The following RIN2 variants were observed in gnomAD, a reference collection of about 807,000 sequenced individuals.
The protein encoded by RIN2 is Ras and Rab interactor 2.
RIN2 carries 36 observed loss-of-function variants against 78.0 expected under a neutral mutation model. The ratio of observed to expected loss-of-function variants is 0.46; its 90% CI spans 0.35 to 0.61. The LOEUF is 0.61. Among genes scored for constraint, RIN2 ranks in the 20% least tolerant of loss-of-function variants. RIN2 has a pLI of 0.00. For missense variants in RIN2, 1,087 were observed against 1,159.7 expected, an observed-to-expected ratio of 0.94 and a Z score of 0.91; for synonymous variants, 466 against 466.8, an observed-to-expected ratio of 1.00 and a Z score of 0.02.
At chr20:19,877,067 T>C (rs936925703) in intron 2 of RIN2, among the ~76,000 whole-genome samples, 2 of 152,176 alleles carry the variant, frequency 1.3e-5, no homozygotes, top group African/African-American at 4.8e-5. Context: ...GCAAAAGCAC[T>C]TACAGCCTTC....
At chr20:19,850,946 C>G (rs1307133275) in intron 2 of RIN2, among the ~76,000 whole-genome samples, 1 of 149,910 alleles carries the variant, frequency 6.7e-6, no homozygotes, top group African/African-American at 2.5e-5. Flanking sequence ...TGCACTCCAG[C>G]CTGGGCAACA....
intron 2 of RIN2, among the ~76,000 whole-genome samples, chr20:19,868,653 G>T (rs947014767): frequency 1.3e-5 from 2 of 152,168 alleles, no homozygotes; most frequent in Non-Finnish European, 2.9e-5. Flanking sequence ...TAAACAGACA[G>T]CTATAATCAT....
rs535994979 is a variant in RIN2, at chr20:19,810,683, CTTTT to C, written c.-37+10959_-37+10962del. 3.3e-3 allele frequency among the ~76,000 whole-genome samples: 325 copies of C among 99,544 alleles called. 1 individual carries two copies. The highest frequency in any genetic ancestry group is 0.013 in the African/African-American group (303 of 24,198). The allele number at this position is 99,544 out of a possible 152,430, so 65.3% of individuals were successfully genotyped here. ...TTGATCATGTTAAGATTATAAGGTACTTTTTTTTTTTTTTTTTTTTTTTTTTGAG... is the reference window on the plus strand; with the variant it reads ...TTGATCATGTTAAGATTATAAGGTACTTTTTTTTTTTTTTTTTTTTTTGAG... On this transcript the variant is annotated intron_variant, in intron 2 of 12. Transcript: ENST00000255006.
At chr20:19,810,108 G>T (rs923921915) in intron 2 of RIN2, among the ~76,000 whole-genome samples, 3 of 152,116 alleles carry the variant, frequency 2.0e-5, no homozygotes, top group African/African-American at 7.2e-5. Flanking sequence ...GCCCAGAAGT[G>T]CCAAGAGGGG....
At chr20:19,922,127 A>G (rs1877517331) in intron 3 of RIN2, among the ~76,000 whole-genome samples, 1 of 152,124 alleles carries the variant, frequency 6.6e-6, no homozygotes, top group South Asian at 2.1e-4. Flanking sequence ...CGGCCTCCCA[A>G]ACTGCTAGGA....
At chr20:19,909,368 C>G (rs2039361815) in intron 3 of RIN2, among the ~76,000 whole-genome samples, 1 of 152,198 alleles carries the variant, frequency 6.6e-6, no homozygotes. Context: ...GAGTTTTGAT[C>G]CGCCACCACT....
intron 2 of RIN2, among the ~76,000 whole-genome samples, chr20:19,834,114 A>G (rs2036333725): frequency 6.6e-6 from 1 of 152,172 alleles, no homozygotes; most frequent in South Asian, 2.1e-4. Flanking sequence ...GTTATGGATC[A>G]TTTAGTGACT....
intron 3 of RIN2, among the ~76,000 whole-genome samples, chr20:19,930,314 G>A (rs1332701384): frequency 2.0e-5 from 3 of 152,182 alleles, no homozygotes; most frequent in East Asian, 1.9e-4. Context: ...TGGGAGTGCC[G>A]CTAAGTGACA....
At position 19,971,295 on chromosome 20, in the gene RIN2, C is replaced by A. The variant is rs535732510; in HGVS notation, c.628+366C>A. ...CTGTTCCACTTCCTCTCTTGTCGTT[C>A]AATTGTTGTCCTGCTGTTCTGGTCC... On this transcript the variant is annotated intron_variant, in intron 8 of 12. Coordinates refer to ENST00000255006, the MANE Select transcript of RIN2 (RefSeq NM_018993.4). Among the ~76,000 whole-genome samples, 3 of 152,002 alleles carry A rather than the reference C, an allele frequency of 2.0e-5. No individual in the cohort carries two copies. The Middle Eastern group carries it at 0.01, about 517-fold the overall frequency.
chr20:19,867,640 G>A (rs138230713), intron 2 of RIN2, among the ~76,000 whole-genome samples: 46 of 152,306 alleles, frequency 3.0e-4, no homozygotes, highest in Non-Finnish European at 4.1e-4. Context: ...TTTTGCACCC[G>A]TGGCAGGAAT....
At chr20:19,837,102 C>A (rs900163521) in intron 2 of RIN2, among the ~76,000 whole-genome samples, 2 of 151,514 alleles carry the variant, frequency 1.3e-5, no homozygotes, top group East Asian at 3.9e-4. Flanking sequence ...CCCCATTTTG[C>A]AGATATGTGT....
intron 2 of RIN2, chr20:19,872,427 G>T (rs918203360): frequency 6.6e-6 from 1 of 152,176 alleles, no homozygotes; most frequent in African/African-American, 2.4e-5. Flanking sequence ...AGGTGGGAGT[G>T]GGGATAAAAT....
At chr20:19,929,248 A>G (rs999799619) in intron 3 of RIN2, among the ~76,000 whole-genome samples, 3 of 152,222 alleles carry the variant, frequency 2.0e-5, no homozygotes, top group Non-Finnish European at 2.9e-5. Context: ...AATTCTGCAC[A>G]GGTACAGGGA....
chr20:19,888,731 GCTCCCCCAGGCCCCC>G (rs1357971634), intron 2 of RIN2, among the ~76,000 whole-genome samples: 1 of 152,238 alleles, frequency 6.6e-6, no homozygotes, highest in Non-Finnish European at 1.5e-5. Context: ...GTTTGGGGTT[GCTCCCCCAGGCCCCC>G]CTCAATGCGT....
chr20:19,998,095 C>T (rs2043028260), intron 12 of RIN2, among the ~76,000 whole-genome samples: 1 of 151,920 alleles, frequency 6.6e-6, no homozygotes, highest in Admixed American at 6.5e-5. Flanking sequence ...TCTCCTGCCT[C>T]AGCCTCCGGA....
At chr20:19,919,375 C>T (rs563934467) in intron 3 of RIN2, among the ~76,000 whole-genome samples, 1 of 152,192 alleles carries the variant, frequency 6.6e-6, no homozygotes, top group Non-Finnish European at 1.5e-5. Context: ...AGACATAAGT[C>T]AGCACATTTC....
intron 2 of RIN2, chr20:19,889,087 C>G: frequency 2.1e-6 from 2 of 975,410 alleles, no homozygotes; most frequent in African/African-American, 3.5e-5. Context: ...CTTCCCAGTG[C>G]CCTTCTGTTG....
chr20:19,963,607 CT>C (rs1339646157), intron 6 of RIN2, among the ~76,000 whole-genome samples: 2 of 111,040 alleles, frequency 1.8e-5, no homozygotes, highest in African/African-American at 7.7e-5. Flanking sequence ...GAAACTCTGT[CT>C]CCAAAAAAAA....
At chr20:19,777,870 C>G (rs1437581684) in intron 1 of RIN2, among the ~76,000 whole-genome samples, 1 of 152,162 alleles carries the variant, frequency 6.6e-6, no homozygotes, top group Admixed American at 6.5e-5. Context: ...TTTTAGGAGC[C>G]ACCAAAATGT....
Sources: gnomAD v4.1 joint callset for allele counts (sites outside exome capture counted in the v4.1 genomes callset) on GRCh38, gnomAD v4.1.1 for gene constraint, MANE v1.5 for transcripts, NCBI Gene and HGNC (gene_info 2026-07-23, HGNC 2026-07-21) for gene names.